The following FAM110B variants were observed in gnomAD, a reference collection of about 807,000 sequenced individuals.
FAM110B encodes protein FAM110B.
FAM110B carries 6 observed loss-of-function variants against 20.4 expected under a neutral mutation model. The ratio of observed to expected loss-of-function variants is 0.29; its 90% CI spans 0.16 to 0.58. The LOEUF (loss-of-function observed/expected upper bound fraction) is 0.58, where lower values mean the gene tolerates loss of function less well. Ranked by LOEUF, FAM110B falls within the 20% of genes least tolerant of loss-of-function variation. FAM110B has a pLI of 0.90. For missense variants in FAM110B, 434 were observed against 498.2 expected (o/e 0.87, Z 1.23); for synonymous variants, 226 against 214.1 (o/e 1.06, Z -0.49).
intron 3 of FAM110B, among the ~76,000 whole-genome samples, chr8:58,077,697 A>G (rs1806072644): frequency 6.6e-6 from 1 of 152,224 alleles, no homozygotes; most frequent in Admixed American, 6.5e-5. Flanking sequence ...AAGAAGGGGT[A>G]GGTCCCTCCC....
intron 3 of FAM110B, among the ~76,000 whole-genome samples, chr8:58,130,785 G>A (rs1236674239): frequency 2.6e-5 from 4 of 152,160 alleles, no homozygotes; most frequent in African/African-American, 4.8e-5. Flanking sequence ...GAAGCAGTAC[G>A]TTCTTCCTCT....
At chr8:58,067,595 T>G (rs530774658) in intron 2 of FAM110B, among the ~76,000 whole-genome samples, 1 of 152,370 alleles carries the variant, frequency 6.6e-6, no homozygotes, top group African/African-American at 2.4e-5. Flanking sequence ...ACCCCTCTCA[T>G]GTGAGCATCC....
At chr8:58,083,196 C>A (rs941102964) in intron 3 of FAM110B, among the ~76,000 whole-genome samples, 2 of 151,922 alleles carry the variant, frequency 1.3e-5, no homozygotes, top group African/African-American at 4.8e-5. Flanking sequence ...GGGCTGGAAG[C>A]GCTATTTCAC....
intron 1 of FAM110B, among the ~76,000 whole-genome samples, chr8:58,020,413 ATAT>A (rs1804728114): frequency 6.6e-6 from 1 of 152,212 alleles, no homozygotes; most frequent in Non-Finnish European, 1.5e-5. Context: ...CAAAATAATA[ATAT>A]TTGTTTGTTT....
At chr8:58,089,002 AGCTTTGAC>A (rs2150602124) in intron 3 of FAM110B, among the ~76,000 whole-genome samples, 1 of 152,340 alleles carries the variant, frequency 6.6e-6, no homozygotes, top group Non-Finnish European at 1.5e-5. Context: ...TCTGCAATAA[AGCTTTGAC>A]GTTTTAAGAT....
At chr8:58,104,962 G>GAAA (rs374878667) in intron 3 of FAM110B, among the ~76,000 whole-genome samples, 19 of 126,080 alleles carry the variant, frequency 1.5e-4, no homozygotes, top group African/African-American at 3.9e-4. Context: ...TTCTTTAAAG[G>GAAA]AAAAAAAAAA....
chr8:58,052,349 T>C (rs901253763), intron 2 of FAM110B, among the ~76,000 whole-genome samples: 1 of 152,172 alleles, frequency 6.6e-6, no homozygotes, highest in Non-Finnish European at 1.5e-5. Context: ...AAACAGATCA[T>C]AGAAAGCAGT....
At chr8:58,117,095 T>G (rs1247720612) in intron 3 of FAM110B, among the ~76,000 whole-genome samples, 1 of 152,222 alleles carries the variant, frequency 6.6e-6, no homozygotes, top group Non-Finnish European at 1.5e-5. Context: ...AGCATTTTTG[T>G]GCCGATCTGT....
chr8:58,055,071 G>A (rs894406730), intron 2 of FAM110B, among the ~76,000 whole-genome samples: 5 of 152,058 alleles, frequency 3.3e-5, no homozygotes, highest in Non-Finnish European at 5.9e-5. Flanking sequence ...ACCCTTGCTG[G>A]TTCCAAAAAG....
intron 1 of FAM110B, among the ~76,000 whole-genome samples, chr8:58,003,979 A>C (rs1307129436): frequency 6.6e-6 from 1 of 152,174 alleles, no homozygotes; most frequent in Non-Finnish European, 1.5e-5. Flanking sequence ...AGCAGTCCCC[A>C]ACATTTTTGG....
At chr8:58,129,051 T>C (rs1299208085) in intron 3 of FAM110B, among the ~76,000 whole-genome samples, 1 of 152,150 alleles carries the variant, frequency 6.6e-6, no homozygotes, top group Non-Finnish European at 1.5e-5. Flanking sequence ...GTAAATAAAA[T>C]AGATGAAGGT....
chr8:58,084,572 T>C (rs1432133025), intron 3 of FAM110B, among the ~76,000 whole-genome samples: 2 of 152,116 alleles, frequency 1.3e-5, no homozygotes, highest in Admixed American at 1.3e-4. Flanking sequence ...GTATTTTTAG[T>C]AGAGACAGGG....
At chr8:58,050,037 A>G (rs1467909031) in intron 2 of FAM110B, among the ~76,000 whole-genome samples, 1 of 152,204 alleles carries the variant, frequency 6.6e-6, no homozygotes, top group Non-Finnish European at 1.5e-5. Flanking sequence ...TGTGACATTA[A>G]TAAAATATCA....
chr8:58,123,564 A>G (rs1300613654), intron 3 of FAM110B, among the ~76,000 whole-genome samples: 3 of 152,234 alleles, frequency 2.0e-5, no homozygotes, highest in Admixed American at 6.5e-5. Flanking sequence ...CTGATTTTGT[A>G]TAATTACACA....
intron 3 of FAM110B, among the ~76,000 whole-genome samples, chr8:58,123,835 C>T (rs925994726): frequency 2.0e-5 from 3 of 152,144 alleles, no homozygotes; most frequent in African/African-American, 4.8e-5. Flanking sequence ...TACACTTTCC[C>T]GCTGCGCATA....
At chr8:58,049,540 T>C (rs1385400941) in intron 2 of FAM110B, among the ~76,000 whole-genome samples, 1 of 152,090 alleles carries the variant, frequency 6.6e-6, no homozygotes, top group African/African-American at 2.4e-5. Flanking sequence ...AGCAGATGGA[T>C]TGACGGAGGA....
intron 1 of FAM110B, among the ~76,000 whole-genome samples, chr8:58,018,726 G>A (rs1471394263): frequency 6.6e-6 from 1 of 151,688 alleles, no homozygotes; most frequent in Non-Finnish European, 1.5e-5. Flanking sequence ...GCTTAATCTA[G>A]TAATTTTTCG....
Position 58,146,892 on chromosome 8 carries a change from C to T in FAM110B, c.662C>T (p.Ala221Val), listed in dbSNP as rs1803880346. ...AAGGCCATCCCCTGCAGTAGCTCTG[C>T]CCCTCCCCTGCCTCCCAAGCCCAAA... ...PLKAIPCSSS[A>V]PPLPPKPKIA... The change falls in exon 4 of 4, where the codon GCC becomes GTC. Residue 221 changes from alanine to valine, a missense_variant. Ala to Val is a moderately conservative substitution (Grantham distance 64, BLOSUM62 0). This residue lies in a region of FAM110B where 284 missense variants were observed against 278.3 expected (regional missense o/e 1.02). Transcript: ENST00000519262. 3 of 1,614,166 alleles carry T rather than the reference C, an allele frequency of 1.9e-6. No individual in the cohort carries two copies. Among genetic ancestry groups the T allele is most frequent in the African/African-American group, 1.3e-5 (1 of 75,058 alleles).
At chr8:58,066,336 T>A (rs1047446367) in intron 2 of FAM110B, among the ~76,000 whole-genome samples, 1 of 152,144 alleles carries the variant, frequency 6.6e-6, no homozygotes, top group Non-Finnish European at 1.5e-5. Context: ...TCGGGGCTGA[T>A]GCGCAGGTAC....
Sources: allele counts gnomAD v4.1 joint callset (sites outside exome capture counted in the v4.1 genomes callset), GRCh38; gene constraint gnomAD v4.1.1; regional missense constraint gnomAD v4.1.1; transcripts MANE v1.5; gene names NCBI Gene and HGNC (gene_info 2026-07-23, HGNC 2026-07-21).